MYH15: variants seen among roughly 807,000 people sequenced by gnomAD.
The protein encoded by MYH15 is myosin heavy chain 15.
A neutral mutation model predicts 240.5 loss-of-function variants in MYH15; 227 were observed. The ratio of observed to expected loss-of-function variants is 0.94; its 90% CI spans 0.85 to 1.05. The LOEUF is 1.05. MYH15 is among the 50% of genes least tolerant of loss of function. The pLI is 0.00. For missense variants in MYH15, 2,217 were observed against 2,247.5 expected, an observed-to-expected ratio of 0.99 and a Z score of 0.27; for synonymous variants, 785 against 796.7, an observed-to-expected ratio of 0.99 and a Z score of 0.25.
chr3:108,406,303 A>G (rs2082546001), intron 32 of MYH15, among the ~76,000 whole-genome samples: 1 of 152,224 alleles, frequency 6.6e-6, no homozygotes, highest in South Asian at 2.1e-4. Flanking sequence ...TAATTTTTTC[A>G]TAGCCTCTTT....
At chr3:108,473,618 C>A (rs754183647) in intron 12 of MYH15, among the ~76,000 whole-genome samples, 2 of 152,038 alleles carry the variant, frequency 1.3e-5, no homozygotes, top group Non-Finnish European at 1.5e-5. Flanking sequence ...GCTTGTTATT[C>A]GATTAAATGA....
At position 108,428,635 on chromosome 3, in the gene MYH15, T is replaced by G; in HGVS notation, c.3559A>C (p.Arg1187=). The G allele has an allele frequency of 1.9e-6, 3 of 1,613,892 alleles. No homozygotes were observed. The highest frequency in any genetic ancestry group is 2.5e-6 in the Non-Finnish European group (3 of 1,180,000). The part of the protein sequence containing the change: ...FETTSASLKK[R]HADSLAELEG... Reference sequence around the variant, plus strand: ...AGCTCAGCCAGGCTGTCTGCATGTCTCTTCTTCAAAGATGCAGAAGTTGTC... The same window carrying G: ...AGCTCAGCCAGGCTGTCTGCATGTCGCTTCTTCAAAGATGCAGAAGTTGTC... Residue 1187 remains arginine, a synonymous_variant, in exon 27 of 41, where the codon AGA becomes CGA. Coordinates refer to ENST00000693548, the MANE Select transcript of MYH15 (RefSeq NM_014981.3).
rs200428962 is a variant in MYH15 at position 108,454,073 on chromosome 3, T to C, written c.2332A>G (p.Thr778Ala). The change falls in exon 21 of 41, where the codon ACA (threonine) becomes GCA (alanine). Residue 778 changes from threonine (T) to alanine (A), a missense_variant. Physicochemically the swap from Thr to Ala is moderately conservative, Grantham distance 58 (BLOSUM62 0). Transcript: ENST00000693548. ...CCCTGTGCTCTGGCTTGGAACAATG[T>C]GAAGACTTTAGATAGTCTCTCATCT... ...IRDERLSKVF[T>A]LFQARAQGKL... The C allele has an allele frequency of 2.9e-5, 47 of 1,613,166 alleles. No individual in the cohort carries two copies. The East Asian group carries it at 1.0e-3, about 35-fold the overall frequency.
chr3:108,414,478 C>CA (rs1353221170), intron 29 of MYH15, 50 bp from the exon 30 acceptor site: 2 of 1,515,146 alleles, frequency 1.3e-6, no homozygotes, highest in Non-Finnish European at 1.8e-6. Context: ...ATGAGCAACA[C>CA]AAGTCTTGAA....
intron 1 of MYH15, among the ~76,000 whole-genome samples, chr3:108,523,956 C>T (rs2083644556): frequency 6.6e-6 from 1 of 151,888 alleles, no homozygotes; most frequent in African/African-American, 2.4e-5. Flanking sequence ...ATTTATTCAA[C>T]AATTCCCCTA....
chr3:108,405,547 T>A, intron 32 of MYH15, 94 bp from the exon 33 acceptor site: 1 of 674,338 alleles, frequency 1.5e-6, no homozygotes, highest in Non-Finnish European at 2.3e-6. Flanking sequence ...GTAGCTCTCT[T>A]AGAGTTACTG....
At chr3:108,537,239 G>A in the MYH15 span, among the ~76,000 whole-genome samples, 1 of 152,076 alleles carries the variant, frequency 6.6e-6, no homozygotes, top group Admixed American at 6.5e-5. Context: ...TCATAGGGAG[G>A]CCTGTACAAC....
chr3:108,416,766 A>T, intron 29 of MYH15, 46 bp downstream of exon 29: 1 of 1,460,716 alleles, frequency 6.8e-7, no homozygotes, highest in Non-Finnish European at 9.4e-7. Flanking sequence ...TTTTAAAAAA[A>T]AAAACACACA....
chr3:108,428,709 T>G lies in MYH15; in HGVS notation c.3485A>C (p.Lys1162Thr), dbSNP rs1221491720. 2 of 1,613,954 alleles carry G rather than the reference T, an allele frequency of 1.2e-6. No homozygotes were observed. The highest frequency in any genetic ancestry group is 1.7e-6 in the Non-Finnish European group (2 of 1,179,998). Residue 1162 changes from lysine to threonine, a missense_variant, in exon 27 of 41, where the codon AAA (lysine) becomes ACA (threonine). Lys to Thr is a moderately conservative substitution (Grantham distance 78). Transcript: ENST00000693548. ...CATGTCTCGGTGCAGCTTCTGGAAT[T>G]TGGTTTCCTGTTTCTTAGTTATTTC... ...QLEITKKQETKFQKLHRDMEE... is the reference protein window; with the variant it reads ...QLEITKKQETTFQKLHRDMEE...
At position 108,408,484 on chromosome 3, in the gene MYH15, C is replaced by T. The variant is rs573667274; in HGVS notation, c.4496-80G>A. On this transcript the variant is annotated intron_variant, in intron 31 of 40. Transcript: ENST00000693548. ...ATGATACCAGGCACAACAGATTCTTCCAGCCCACTGGAACAGTGACCTCAT... is the reference window on the plus strand; with the variant it reads ...ATGATACCAGGCACAACAGATTCTTTCAGCCCACTGGAACAGTGACCTCAT... The T allele has an allele frequency of 5.7e-5, 80 of 1,413,448 alleles. No homozygotes were observed. The South Asian group carries it at 1.1e-3, about 20-fold the overall frequency. 87.6% of individuals were successfully genotyped at this position (1,413,448 alleles called of 1,614,324 possible).
intron 33 of MYH15, among the ~76,000 whole-genome samples, chr3:108,399,797 C>T (rs1251626045): frequency 2.6e-5 from 4 of 152,196 alleles, no homozygotes; most frequent in African/African-American, 9.7e-5. Context: ...GGTTATCTTT[C>T]TCTAGGAGTT....
intron 17 of MYH15, 69 bp from the exon 18 acceptor site, chr3:108,459,518 A>G: frequency 1.2e-6 from 1 of 848,096 alleles, no homozygotes; most frequent in East Asian, 2.7e-5. Flanking sequence ...CCACCTCACA[A>G]ATGTCTCCAA....
At chr3:108,454,304 A>G (rs1381633281) in intron 20 of MYH15, among the ~76,000 whole-genome samples, 162 bp from the exon 21 acceptor site, 2 of 151,916 alleles carry the variant, frequency 1.3e-5, no homozygotes, top group African/African-American at 4.8e-5. Flanking sequence ...AGAAAGTTTG[A>G]TTTTATAAAT....
At chr3:108,518,346 T>C (rs1298349788) in intron 1 of MYH15, among the ~76,000 whole-genome samples, 3 of 152,148 alleles carry the variant, frequency 2.0e-5, no homozygotes, top group Non-Finnish European at 2.9e-5. Flanking sequence ...TCTTTCTAAA[T>C]ATCACTCAAA....
intron 8 of MYH15, 40 bp downstream of exon 8, chr3:108,493,074 G>C: frequency 1.3e-6 from 2 of 1,548,046 alleles, no homozygotes; most frequent in South Asian, 2.3e-5. Flanking sequence ...AGGAAGGGAA[G>C]AAAAGAAAAA....
intron 17 of MYH15, 68 bp downstream of exon 17, chr3:108,460,232 T>C: frequency 7.7e-7 from 1 of 1,302,766 alleles, no homozygotes; most frequent in South Asian, 1.5e-5. Context: ...ATGTGAAATG[T>C]CAACTAAATA....
chr3:108,467,982 T>C (rs1382818427), intron 14 of MYH15, among the ~76,000 whole-genome samples: 1 of 152,098 alleles, frequency 6.6e-6, no homozygotes, highest in Non-Finnish European at 1.5e-5. Flanking sequence ...TTTTTTTTTT[T>C]TGAGATAGAA....
intron 1 of MYH15, among the ~76,000 whole-genome samples, chr3:108,517,414 C>T (rs2083582258): frequency 6.6e-6 from 1 of 152,166 alleles, no homozygotes; most frequent in Non-Finnish European, 1.5e-5. Context: ...CTCACCGCAA[C>T]CTCTGACTCC....
chr3:108,384,048 T>C (rs1421574268), intron 39 of MYH15, among the ~76,000 whole-genome samples: 1 of 152,150 alleles, frequency 6.6e-6, no homozygotes, highest in Non-Finnish European at 1.5e-5. Context: ...GAGTTTAACA[T>C]CCTATTCTAC....
Sources: allele counts gnomAD v4.1 joint callset (sites outside exome capture counted in the v4.1 genomes callset), GRCh38; gene constraint gnomAD v4.1.1; transcripts MANE v1.5; gene names NCBI Gene and HGNC (gene_info 2026-07-23, HGNC 2026-07-21).